The following CTNNA2 variants were observed in gnomAD, a reference collection of about 807,000 sequenced individuals.
CTNNA2 encodes catenin alpha 2, also known as catenin alpha-2.
In CTNNA2, 42 loss-of-function variants were observed where a neutral mutation model predicts 101.0. The ratio of observed to expected loss-of-function variants is 0.42; its 90% CI spans 0.32 to 0.54. CTNNA2 has a LOEUF of 0.54. Among genes scored for constraint, CTNNA2 ranks in the 20% least tolerant of loss-of-function variants. CTNNA2 has a pLI of 0.14. For missense variants in CTNNA2, 871 were observed against 1,223.1 expected (o/e 0.71, Z 4.29); for synonymous variants, 450 against 456.4 (o/e 0.99, Z 0.18).
rs1282755384 is a variant in CTNNA2, at chr2:79,405,952, CT to C, written c.-135+31940del. Reference sequence around the variant, plus strand: ...GGAGGCAAAAAGACATAGAGGATTACTCCTCAGAAGAATACTGAAAGAGGAG... The same window carrying C: ...GGAGGCAAAAAGACATAGAGGATTACCCTCAGAAGAATACTGAAAGAGGAG... On this transcript the variant is annotated intron_variant, in intron 4 of 21. Transcript: ENST00000466387. Among the ~76,000 whole-genome samples, 9 of 152,112 alleles carry C rather than the reference CT, an allele frequency of 5.9e-5. No homozygotes were observed. The South Asian group carries it at 1.9e-3, about 32-fold the overall frequency.
At chr2:80,436,599 G>A (rs1682055217) in intron 9 of CTNNA2, among the ~76,000 whole-genome samples, 1 of 152,032 alleles carries the variant, frequency 6.6e-6, no homozygotes, top group Non-Finnish European at 1.5e-5. Context: ...AAATACCTTA[G>A]ACTGGGCAAT....
intron 5 of CTNNA2, among the ~76,000 whole-genome samples, chr2:79,872,758 C>T (rs1373553609): frequency 6.6e-6 from 1 of 152,090 alleles, no homozygotes; most frequent in African/African-American, 2.4e-5. Context: ...TTCTTGTTAC[C>T]AGGTCATTCA....
intron 2 of CTNNA2, among the ~76,000 whole-genome samples, chr2:79,677,157 A>G (rs1173435865): frequency 1.3e-5 from 2 of 152,202 alleles, no homozygotes; most frequent in African/African-American, 4.8e-5. Context: ...TTGACAATAA[A>G]TGATATGATT....
intron 7 of CTNNA2, among the ~76,000 whole-genome samples, chr2:79,969,451 A>C (rs893100960): frequency 2.0e-5 from 3 of 152,234 alleles, no homozygotes; most frequent in African/African-American, 7.2e-5. Flanking sequence ...CTGTCCTTCC[A>C]TCCACTGGAT....
intron 2 of CTNNA2, among the ~76,000 whole-genome samples, chr2:79,741,608 A>G (rs143458671): frequency 2.6e-5 from 4 of 152,280 alleles, no homozygotes; most frequent in African/African-American, 9.6e-5. Context: ...CTGATCATAT[A>G]AATGTATGCT....
intron 2 of CTNNA2, among the ~76,000 whole-genome samples, chr2:79,246,168 A>G (rs561958658): frequency 6.0e-4 from 92 of 152,322 alleles, no homozygotes; most frequent in Non-Finnish European, 5.4e-4. Context: ...TACTTCTTGA[A>G]TAAGTCTTTT....
intron 3 of CTNNA2, among the ~76,000 whole-genome samples, chr2:79,842,707 T>G (rs563114522): frequency 2.7e-5 from 4 of 147,552 alleles, no homozygotes; most frequent in East Asian, 2.0e-4. Flanking sequence ...TGGGTGTGTG[T>G]TTTTTTTTTT....
At chr2:79,241,777 A>G (rs193032145) in intron 2 of CTNNA2, among the ~76,000 whole-genome samples, 207 of 152,346 alleles carry the variant, frequency 1.4e-3, no homozygotes, top group African/African-American at 4.1e-3. Flanking sequence ...TGGAATTTGC[A>G]GAGCAGATTT....
At chr2:79,326,845 G>A (rs551520652) in intron 3 of CTNNA2, among the ~76,000 whole-genome samples, 24 of 152,282 alleles carry the variant, frequency 1.6e-4, no homozygotes, top group South Asian at 6.2e-4. Context: ...ATGACATCAT[G>A]ATCTCAAAGG....
chr2:80,045,663 C>T (rs1271739581), intron 7 of CTNNA2, among the ~76,000 whole-genome samples: 5 of 152,050 alleles, frequency 3.3e-5, no homozygotes, highest in Non-Finnish European at 7.3e-5. Flanking sequence ...ACTCCTGATG[C>T]CATTTTTTTT....
intron 6 of CTNNA2, among the ~76,000 whole-genome samples, chr2:79,892,120 A>G (rs1251977135): frequency 6.6e-6 from 1 of 152,184 alleles, no homozygotes; most frequent in African/African-American, 2.4e-5. Context: ...ATTTTTAAGT[A>G]GATAAAATCA....
At chr2:80,075,607 TACATG>T (rs1264756492) in intron 7 of CTNNA2, among the ~76,000 whole-genome samples, 5 of 106,924 alleles carry the variant, frequency 4.7e-5, no homozygotes, top group East Asian at 5.2e-4. Flanking sequence ...TAAATATTTA[TACATG>T]TATAAATATA....
At chr2:80,335,241 G>T (rs1241187323) in intron 7 of CTNNA2, among the ~76,000 whole-genome samples, 1 of 152,168 alleles carries the variant, frequency 6.6e-6, no homozygotes, top group African/African-American at 2.4e-5. Context: ...TGATGTAAAT[G>T]GCTGCTACAG....
At chr2:80,005,147 C>T (rs994675149) in intron 7 of CTNNA2, among the ~76,000 whole-genome samples, 1 of 152,274 alleles carries the variant, frequency 6.6e-6, no homozygotes, top group Non-Finnish European at 1.5e-5. Context: ...TGCTGGATTG[C>T]AGGAAATCTT....
intron 2 of CTNNA2, among the ~76,000 whole-genome samples, chr2:79,677,086 T>C (rs1683237660): frequency 6.6e-6 from 1 of 152,154 alleles, no homozygotes. Context: ...CACACCCAAC[T>C]AACTTTTGGA....
At chr2:80,502,061 A>G (rs374680301) in intron 9 of CTNNA2, among the ~76,000 whole-genome samples, 2 of 152,194 alleles carry the variant, frequency 1.3e-5, no homozygotes, top group African/African-American at 4.8e-5. Context: ...AGAGAGGCCT[A>G]GGATTGAATC....
At chr2:79,622,689 C>A in intron 1 of CTNNA2, among the ~76,000 whole-genome samples, 1 of 152,126 alleles carries the variant, frequency 6.6e-6, no homozygotes, top group East Asian at 1.9e-4. Flanking sequence ...ATGAGGGTGA[C>A]TCAGAGACCT....
At chr2:80,275,959 T>A (rs1441810258) in intron 7 of CTNNA2, among the ~76,000 whole-genome samples, 1 of 152,186 alleles carries the variant, frequency 6.6e-6, no homozygotes, top group African/African-American at 2.4e-5. Flanking sequence ...TAGGAGATTT[T>A]TTTTTATTCC....
chr2:79,221,566 T>C (rs1674345600), intron 2 of CTNNA2, among the ~76,000 whole-genome samples: 1 of 152,196 alleles, frequency 6.6e-6, no homozygotes, highest in African/African-American at 2.4e-5. Flanking sequence ...CATAAAATGA[T>C]AGCCTTAGGA....
Sources: gnomAD v4.1 joint callset for allele counts (sites outside exome capture counted in the v4.1 genomes callset) on GRCh38, gnomAD v4.1.1 for gene constraint, MANE v1.5 for transcripts, NCBI Gene and HGNC (gene_info 2026-07-23, HGNC 2026-07-21) for gene names.